DNAH7: variants seen among roughly 807,000 people sequenced by gnomAD.
DNAH7 encodes axonemal beta dynein heavy chain 7.
DNAH7 carries 397 observed loss-of-function variants against 444.6 expected under a neutral mutation model. The observed-to-expected ratio is 0.89, with a 90% CI of 0.82 to 0.97. DNAH7 has a LOEUF of 0.97. Among genes scored for constraint, DNAH7 ranks in the 50% least tolerant of loss-of-function variants. DNAH7 has a pLI of 0.00. For missense variants in DNAH7, 4,902 were observed against 4,800.8 expected, an observed-to-expected ratio of 1.02 and a Z score of -0.62; for synonymous variants, 1,636 against 1,624.4, an observed-to-expected ratio of 1.01 and a Z score of -0.17.
At chr2:195,981,133 G>A (rs562953884) in intron 15 of DNAH7, among the ~76,000 whole-genome samples, 3 of 151,986 alleles carry the variant, frequency 2.0e-5, no homozygotes, top group East Asian at 1.9e-4. Context: ...TGATAAATTC[G>A]GTAAAGTTGC....
intron 35 of DNAH7, among the ~76,000 whole-genome samples, chr2:195,884,028 G>A (rs1289394820): frequency 6.6e-6 from 1 of 152,182 alleles, no homozygotes; most frequent in Admixed American, 6.5e-5. Context: ...TGCCCATTGG[G>A]AATGTGGTAT....
rs765281967 is a variant in DNAH7 at position 195,888,244 on chromosome 2, CTCA to C, written c.5406+11_5406+13del. On this transcript the variant is annotated intron_variant, in intron 33 of 64. Coordinates refer to ENST00000312428, the MANE Select transcript of DNAH7 (RefSeq NM_018897.3). ...CCATTTATTTTTTAATCTTAAAATT[CTCA>C]TTTCCCTTACCTTTGTATGCTTTCT... 9 of 1,582,386 alleles carry C rather than the reference CTCA, an allele frequency of 5.7e-6. No homozygotes were observed. In the East Asian group the frequency reaches 1.8e-4, roughly 32 times the overall value.
chr2:195,778,619 A>G (rs141109440), intron 58 of DNAH7, among the ~76,000 whole-genome samples: 3,595 of 22,344 alleles, frequency 0.16, 225 homozygotes, highest in African/African-American at 0.23. Flanking sequence ...ACCCTGTCTG[A>G]AAAAAAAAAA....
At chr2:195,912,049 A>G (rs1350109176) in intron 24 of DNAH7, among the ~76,000 whole-genome samples, 1 of 152,204 alleles carries the variant, frequency 6.6e-6, no homozygotes, top group Admixed American at 6.5e-5. Context: ...ATCTTATCTT[A>G]TAGATGGTGA....
chr2:195,781,536 G>A (rs1470808290), intron 58 of DNAH7, among the ~76,000 whole-genome samples: 1 of 151,980 alleles, frequency 6.6e-6, no homozygotes, highest in East Asian at 1.9e-4. Context: ...TTGCTGCTTG[G>A]ATTGCTTCCC....
At chr2:195,905,682 C>T (rs764576976) in intron 27 of DNAH7, 2 of 151,650 alleles carry the variant, frequency 1.3e-5, no homozygotes, top group Non-Finnish European at 2.9e-5. Flanking sequence ...AATGGTTAAC[C>T]AAAATATGGG....
intron 27 of DNAH7, chr2:195,901,338 AAAT>A (rs1686692756): frequency 1.3e-5 from 2 of 152,184 alleles, no homozygotes; most frequent in African/African-American, 4.8e-5. Context: ...AAAAGTAAAC[AAAT>A]AAACAGACAA....
At chr2:196,025,155 G>A (rs1695605168) in intron 7 of DNAH7, among the ~76,000 whole-genome samples, 1 of 152,166 alleles carries the variant, frequency 6.6e-6, no homozygotes, top group African/African-American at 2.4e-5. Flanking sequence ...TTTGGTATCT[G>A]TCAGGGAGGG....
chr2:195,998,047 G>A (rs1693806173), intron 12 of DNAH7, among the ~76,000 whole-genome samples: 2 of 152,126 alleles, frequency 1.3e-5, no homozygotes, highest in South Asian at 4.1e-4. Flanking sequence ...AACAAAATGT[G>A]TTACCAGATG....
chr2:195,867,784 A>G (rs1700431946), intron 40 of DNAH7, among the ~76,000 whole-genome samples: 1 of 152,190 alleles, frequency 6.6e-6, no homozygotes, highest in Non-Finnish European at 1.5e-5. Context: ...GACTGAATAC[A>G]ATTCCACAGT....
rs1225282384 is a variant in DNAH7 at position 195,895,040 on chromosome 2, GGTTCT to G, written c.4827_4831del (p.Glu1610IlefsTer6). On this transcript the variant is annotated frameshift_variant, in exon 30 of 65. Coordinates refer to ENST00000312428, the MANE Select transcript of DNAH7 (RefSeq NM_018897.3). LOFTEE classifies it high-confidence loss of function. ...ATATGCACTAGTTTTTCCTCCAAAT[GGTTCT>G]CCAACAATCATAAAACCATGACGCA... 3 of 1,612,928 alleles carry G rather than the reference GGTTCT, an allele frequency of 1.9e-6. No homozygotes were observed. In the African/African-American group the frequency reaches 4.0e-5, roughly 22 times the overall value.
chr2:195,743,352 T>C (rs1052813643), intron 63 of DNAH7, among the ~76,000 whole-genome samples: 3 of 152,244 alleles, frequency 2.0e-5, no homozygotes, highest in African/African-American at 4.8e-5. Context: ...ATAAACTCCC[T>C]CTCATATATA....
chr2:195,900,074 C>T (rs146268385), intron 28 of DNAH7, among the ~76,000 whole-genome samples: 24 of 152,130 alleles, frequency 1.6e-4, no homozygotes, highest in African/African-American at 5.5e-4. Flanking sequence ...TGAAACAGAA[C>T]TCAAATCACT....
chr2:195,756,664 T>A (rs1020231510), intron 61 of DNAH7, among the ~76,000 whole-genome samples: 8 of 152,012 alleles, frequency 5.3e-5, no homozygotes, highest in African/African-American at 1.9e-4. Context: ...CAGACATGCA[T>A]CACCACACCC....
At chr2:195,839,671 T>C (rs1398761200) in intron 47 of DNAH7, among the ~76,000 whole-genome samples, 1 of 151,694 alleles carries the variant, frequency 6.6e-6, no homozygotes, top group African/African-American at 2.4e-5. Context: ...TCAGAAGTGA[T>C]AGGTGAGATT....
At chr2:195,816,202 C>A (rs1281090575) in intron 51 of DNAH7, among the ~76,000 whole-genome samples, 2 of 152,158 alleles carry the variant, frequency 1.3e-5, no homozygotes, top group East Asian at 3.9e-4. Flanking sequence ...ATAATCGCAA[C>A]AAGGCTTGGG....
intron 24 of DNAH7, among the ~76,000 whole-genome samples, chr2:195,914,633 C>G (rs569402626): frequency 2.8e-4 from 42 of 152,316 alleles, no homozygotes; most frequent in African/African-American, 9.9e-4. Context: ...GCACTATCCT[C>G]TATCTGAAAA....
At position 195,886,279 on chromosome 2, in the gene DNAH7, A is replaced by C. The variant is rs775713796; in HGVS notation, c.5407-7T>G. 9.3e-6 allele frequency: 15 copies of C among 1,608,868 alleles called. No homozygotes were observed. Among genetic ancestry groups the C allele is most frequent in the Non-Finnish European group, 1.3e-5 (15 of 1,178,242 alleles). On this transcript the variant is annotated splice_region_variant and splice_polypyrimidine_tract_variant and intron_variant, in intron 33 of 64. Coordinates refer to ENST00000312428, the MANE Select transcript of DNAH7 (RefSeq NM_018897.3). ...CGGAAGTAGGAGATAATTCCTGAAA[A>C]GTCAGTAAGAAAAATGACTAAACAA...
chr2:195,744,934 A>C (rs1351225277), intron 63 of DNAH7, among the ~76,000 whole-genome samples: 1 of 152,176 alleles, frequency 6.6e-6, no homozygotes, highest in Non-Finnish European at 1.5e-5. Flanking sequence ...TGGAAACTTT[A>C]AAAAGCAGAG....
Sources: gnomAD v4.1 joint callset for allele counts (sites outside exome capture counted in the v4.1 genomes callset) on GRCh38, gnomAD v4.1.1 for gene constraint, MANE v1.5 for transcripts, NCBI Gene and HGNC (gene_info 2026-07-23, HGNC 2026-07-21) for gene names.